Variants in MRPS35 observed in about 807,000 individuals in gnomAD.
The protein encoded by MRPS35 is small ribosomal subunit protein mS35.
MRPS35 carries 29 observed loss-of-function variants against 32.7 expected under a neutral mutation model. The ratio of observed to expected loss-of-function variants is 0.89; its 90% confidence interval spans 0.66 to 1.21. The LOEUF is 1.21. Ranked by LOEUF, MRPS35 falls within the 50% of genes most tolerant of loss-of-function variation. The pLI, the probability that MRPS35 is intolerant of heterozygous loss-of-function variation, is 0.00. For missense variants in MRPS35, 373 were observed against 383.8 expected, an observed-to-expected ratio of 0.97 and a Z score of 0.23; for synonymous variants, 148 against 139.3, an observed-to-expected ratio of 1.06 and a Z score of -0.44.
intron 5 of MRPS35, among the ~76,000 whole-genome samples, chr12:27,733,038 A>ATATCTATCTATCTATCTATC (rs1565468140): frequency 1.3e-5 from 1 of 76,122 alleles, no homozygotes; most frequent in East Asian, 4.4e-4. Context: ...ATATATATAT[A>ATATCTATCTATCTATCTATC]TATCCAGCAC....
chr12:27,754,469 GA>G (rs1423171089), intron 7 of MRPS35, among the ~76,000 whole-genome samples: 1 of 151,946 alleles, frequency 6.6e-6, no homozygotes, highest in Admixed American at 6.6e-5. Context: ...TTACAACTCA[GA>G]AATGCAAAAT....
chr12:27,725,863 T>C (rs532484761), intron 5 of MRPS35, among the ~76,000 whole-genome samples: 1 of 134,880 alleles, frequency 7.4e-6, no homozygotes, highest in South Asian at 2.4e-4. Flanking sequence ...TGAAGTGCAG[T>C]GGCGCGATCT....
At chr12:27,726,880 C>T (rs1053870942) in intron 5 of MRPS35, among the ~76,000 whole-genome samples, 5 of 151,694 alleles carry the variant, frequency 3.3e-5, no homozygotes, top group Non-Finnish European at 7.4e-5. Context: ...GGACACCAGT[C>T]CCAGTCCCTT....
chr12:27,743,546 T>C (rs1216942775), intron 7 of MRPS35, among the ~76,000 whole-genome samples: 2 of 151,912 alleles, frequency 1.3e-5, no homozygotes, highest in Admixed American at 1.3e-4. Flanking sequence ...ATAAATAAAA[T>C]AAAATGGCAA....
chr12:27,749,228 A>G (rs1413902855), intron 7 of MRPS35, among the ~76,000 whole-genome samples: 2 of 152,136 alleles, frequency 1.3e-5, no homozygotes, highest in Non-Finnish European at 2.9e-5. Context: ...ATCAGAATTC[A>G]ATTCTGGATT....
chr12:27,744,570 A>G (rs752165326), intron 7 of MRPS35, among the ~76,000 whole-genome samples: 5 of 152,254 alleles, frequency 3.3e-5, no homozygotes, highest in Admixed American at 6.5e-5. Flanking sequence ...AATAGAATCT[A>G]TATTCTAAAA....
chr12:27,735,480 G>C lies in MRPS35; in HGVS notation c.556G>C (p.Ala186Pro), dbSNP rs143251276. Residue 186 changes from alanine to proline, a missense_variant, in exon 6 of 8, where the codon GCA becomes CCA. Transcript: ENST00000081029. ...TTCCAGTTTGAATTTAGATGATCAC[G>C]CAAAGAAGAAATTAATTAAACTTGT... is the stretch of plus-strand genomic sequence containing the variant. ...KLSSLNLDDH[A>P]KKKLIKLVGE... 45 of 1,609,984 alleles carry C rather than the reference G, an allele frequency of 2.8e-5. No individual in the cohort carries two copies. In the African/African-American group the frequency reaches 4.3e-4, roughly 15 times the overall value.
intron 5 of MRPS35, among the ~76,000 whole-genome samples, chr12:27,732,997 T>G (rs1435863806): frequency 8.6e-3 from 30 of 3,496 alleles, no homozygotes; most frequent in Admixed American, 0.08. Flanking sequence ...GATATATATA[T>G]ATATATATAT....
intron 7 of MRPS35, among the ~76,000 whole-genome samples, chr12:27,739,339 C>CCAAA (rs1353102202): frequency 1.3e-5 from 2 of 152,172 alleles, no homozygotes; most frequent in Non-Finnish European, 2.9e-5. Flanking sequence ...AATTCCATGG[C>CCAAA]CTTTGGAACC....
At chr12:27,751,626 G>A (rs1349568892) in intron 7 of MRPS35, among the ~76,000 whole-genome samples, 10 of 152,114 alleles carry the variant, frequency 6.6e-5, no homozygotes, top group Admixed American at 6.5e-4. Context: ...CTTTATCTGG[G>A]CATGTGCAAG....
At chr12:27,754,101 A>G (rs1033977310) in intron 7 of MRPS35, among the ~76,000 whole-genome samples, 1 of 152,116 alleles carries the variant, frequency 6.6e-6, no homozygotes, top group Non-Finnish European at 1.5e-5. Flanking sequence ...TAAAAATACA[A>G]AAATTAGCTG....
intron 4 of MRPS35, among the ~76,000 whole-genome samples, chr12:27,720,907 A>C (rs1346288321): frequency 1.3e-5 from 2 of 152,156 alleles, no homozygotes; most frequent in South Asian, 2.1e-4. Flanking sequence ...TTATGTATAT[A>C]TTCCAATTTA....
chr12:27,732,320 C>G (rs1360538956), intron 5 of MRPS35, among the ~76,000 whole-genome samples: 2 of 152,182 alleles, frequency 1.3e-5, no homozygotes, highest in Admixed American at 6.5e-5. Context: ...CAAAAATAAT[C>G]TCATTGCTTT....
intron 3 of MRPS35, among the ~76,000 whole-genome samples, chr12:27,718,427 T>A (rs2061859744): frequency 6.6e-6 from 1 of 152,096 alleles, no homozygotes; most frequent in Admixed American, 6.6e-5. Flanking sequence ...ACAAAAAACA[T>A]TATTTTCTGA....
chr12:27,736,241 T>A (rs1321990845), intron 6 of MRPS35, among the ~76,000 whole-genome samples: 1 of 152,198 alleles, frequency 6.6e-6, no homozygotes, highest in Non-Finnish European at 1.5e-5. Flanking sequence ...GAGGTGTCAG[T>A]ATCGATTAGG....
At position 27,710,950 on chromosome 12, in the gene MRPS35, G is replaced by C. The variant is rs1423878721; in HGVS notation, c.107G>C (p.Ser36Thr). 1 of 1,611,920 alleles carries C rather than the reference G, an allele frequency of 6.2e-7. No homozygotes were observed. Among genetic ancestry groups the C allele is most frequent in the East Asian group, 2.2e-5 (1 of 44,852 alleles). Reference sequence around the variant, plus strand: ...TCGGCCACTCCGGTCCCGACACCTAGCCTGCGTGAGTGTCTGTCTCGTCTT... The same window carrying C: ...TCGGCCACTCCGGTCCCGACACCTACCCTGCGTGAGTGTCTGTCTCGTCTT... Reference protein sequence around the residue: ...VYSATPVPTPSLPERTPGNER... With the variant: ...VYSATPVPTPTLPERTPGNER... Residue 36 changes from serine to threonine, a missense_variant, in exon 1 of 8, where the codon AGC (serine) becomes ACC (threonine). By Grantham distance (58) the Ser-to-Thr change is moderately conservative (BLOSUM62 1). Transcript: ENST00000081029.
intron 5 of MRPS35, among the ~76,000 whole-genome samples, chr12:27,732,922 T>C (rs549597000): frequency 6.6e-6 from 1 of 150,414 alleles, no homozygotes; most frequent in East Asian, 2.0e-4. Context: ...AGAGAAAATA[T>C]TTCACAAGTT....
chr12:27,712,174 A>T (rs2061829268), intron 1 of MRPS35, among the ~76,000 whole-genome samples: 1 of 152,030 alleles, frequency 6.6e-6, no homozygotes, highest in African/African-American at 2.4e-5. Flanking sequence ...CCTTTGGGGT[A>T]TGGGGAACTA....
At chr12:27,728,871 A>G (rs536692947) in intron 5 of MRPS35, among the ~76,000 whole-genome samples, 2 of 152,230 alleles carry the variant, frequency 1.3e-5, no homozygotes, top group South Asian at 2.1e-4. Context: ...TAAAGGGCTG[A>G]TAAGATTCCA....
Sources: gnomAD v4.1 joint callset for allele counts (sites outside exome capture counted in the v4.1 genomes callset) on GRCh38, gnomAD v4.1.1 for gene constraint, MANE v1.5 for transcripts, NCBI Gene and HGNC (gene_info 2026-07-23, HGNC 2026-07-21) for gene names.